Variants in BAIAP2 observed in about 807,000 individuals in gnomAD.
BAIAP2 encodes the protein BAR/IMD domain containing adaptor protein 2.
In BAIAP2, 18 loss-of-function variants were observed where a neutral mutation model predicts 63.0. The ratio of observed to expected loss-of-function variants is 0.29; its 90% CI spans 0.20 to 0.42. BAIAP2 has a LOEUF of 0.42. Among genes scored for constraint, BAIAP2 ranks in the 10% least tolerant of loss-of-function variants. The pLI, the probability that BAIAP2 is intolerant of heterozygous loss-of-function variation, is 1.00. For synonymous variants in BAIAP2, 386 were observed against 307.6 expected, an observed-to-expected ratio of 1.25 and a Z score of -2.67; for missense variants, 610 against 734.3, an observed-to-expected ratio of 0.83 and a Z score of 1.96.
chr17:81,114,139 T>TG (rs1451771926), intron 13 of BAIAP2, among the ~76,000 whole-genome samples: 22 of 141,692 alleles, frequency 1.6e-4, no homozygotes, highest in African/African-American at 5.9e-4. Context: ...CTGCCTAATT[T>TG]TTTTTTTTTT....
Position 81,106,853 on chromosome 17 carries a change from G to A in BAIAP2, c.1446G>A (p.Thr482=), listed in dbSNP as rs372574358. The part of the protein sequence containing the change: ...GAASRAFPAQ[T]ASGFKQRPYS... ...CCTCCCGGGCCTTCCCCGCCCAGACGGCCAGCGGCTTCAAGCAGAGGCCCT... is the reference window on the plus strand; with the variant it reads ...CCTCCCGGGCCTTCCCCGCCCAGACAGCCAGCGGCTTCAAGCAGAGGCCCT... Residue 482 remains threonine (T), a synonymous_variant, in exon 12 of 14, where the codon ACG becomes ACA. Coordinates refer to ENST00000428708, the MANE Select transcript of BAIAP2 (RefSeq NM_001144888.2). 46 of 1,608,064 alleles carry A rather than the reference G, an allele frequency of 2.9e-5. No individual in the cohort carries two copies. Among genetic ancestry groups the A allele is most frequent in the Admixed American group, 5.0e-5 (3 of 59,600 alleles).
At chr17:81,058,491 C>G (rs2050003268) in intron 3 of BAIAP2, among the ~76,000 whole-genome samples, 1 of 152,228 alleles carries the variant, frequency 6.6e-6, no homozygotes, top group Non-Finnish European at 1.5e-5. Flanking sequence ...CCTGGAAATT[C>G]AGGGCCCACG....
At chr17:81,084,413 G>T (rs1598700446) in intron 3 of BAIAP2, among the ~76,000 whole-genome samples, 1 of 152,330 alleles carries the variant, frequency 6.6e-6, no homozygotes, top group South Asian at 2.1e-4. Flanking sequence ...GCGCTGTGGT[G>T]TGGGGTCAGC....
intron 3 of BAIAP2, among the ~76,000 whole-genome samples, chr17:81,081,711 G>C (rs1341701064): frequency 2.6e-5 from 4 of 152,154 alleles, no homozygotes; most frequent in Non-Finnish European, 5.9e-5. Flanking sequence ...GTAAACCTTA[G>C]ACTTGCCCCC....
chr17:81,110,792 C>T (rs543422819), intron 13 of BAIAP2: 3 of 1,360,222 alleles, frequency 2.2e-6, no homozygotes, highest in Admixed American at 3.4e-5. Context: ...CAGCTGTGTG[C>T]CGACTCCGAG....
At chr17:81,045,990 TG>T (rs977210322) in intron 1 of BAIAP2, among the ~76,000 whole-genome samples, 2 of 152,046 alleles carry the variant, frequency 1.3e-5, no homozygotes, top group African/African-American at 2.4e-5. Context: ...TCTCATGGCC[TG>T]GGGGGGCTCA....
intron 13 of BAIAP2, among the ~76,000 whole-genome samples, chr17:81,112,431 G>C (rs554872050): frequency 6.6e-6 from 1 of 152,368 alleles, no homozygotes; most frequent in South Asian, 2.1e-4. Context: ...GCCACTTGCA[G>C]TTGGCCAAGA....
intron 3 of BAIAP2, among the ~76,000 whole-genome samples, chr17:81,066,148 T>C (rs115902767): frequency 4.7e-4 from 72 of 152,352 alleles, no homozygotes; most frequent in African/African-American, 1.4e-3. Context: ...TCTGGTGTGT[T>C]TTTGTCCTTT....
intron 3 of BAIAP2, among the ~76,000 whole-genome samples, chr17:81,061,245 G>T (rs886780291): frequency 6.6e-6 from 1 of 152,186 alleles, no homozygotes; most frequent in African/African-American, 2.4e-5. Context: ...ACTCATGTAC[G>T]GTGTTATCTG....
At chr17:81,090,554 T>C (rs1179813151) in intron 6 of BAIAP2, among the ~76,000 whole-genome samples, 1 of 152,214 alleles carries the variant, frequency 6.6e-6, no homozygotes, top group Non-Finnish European at 1.5e-5. Context: ...AGCTAGTAAG[T>C]GCTAAGTGGT....
At chr17:81,099,205 C>G (rs1235924556) in intron 6 of BAIAP2, among the ~76,000 whole-genome samples, 1 of 151,714 alleles carries the variant, frequency 6.6e-6, no homozygotes, top group Non-Finnish European at 1.5e-5. Context: ...TCGGTGACCT[C>G]TTGTCTGATC....
chr17:81,043,021 C>T (rs2047304366), intron 1 of BAIAP2, among the ~76,000 whole-genome samples: 1 of 152,162 alleles, frequency 6.6e-6, no homozygotes, highest in Admixed American at 6.5e-5. Flanking sequence ...GTGTGCGCCA[C>T]CACACTGGCT....
chr17:81,069,016 TCAG>T (rs1568109186), intron 3 of BAIAP2, among the ~76,000 whole-genome samples: 1 of 152,172 alleles, frequency 6.6e-6, no homozygotes, highest in South Asian at 2.1e-4. Context: ...GGACAGGGTC[TCAG>T]CAGCCCCAGG....
At chr17:81,100,299 A>G (rs1240051933) in intron 7 of BAIAP2, among the ~76,000 whole-genome samples, 1 of 152,184 alleles carries the variant, frequency 6.6e-6, no homozygotes, top group Non-Finnish European at 1.5e-5. Context: ...GCCACCTGCA[A>G]CCAGGGAGAG....
chr17:81,102,819 C>T (rs1245516462), intron 7 of BAIAP2, among the ~76,000 whole-genome samples: 5 of 152,200 alleles, frequency 3.3e-5, no homozygotes, highest in South Asian at 2.1e-4. Context: ...CTGGGGGTCC[C>T]GGGAATCCAG....
intron 3 of BAIAP2, among the ~76,000 whole-genome samples, chr17:81,078,362 G>A (rs564952256): frequency 2.5e-4 from 36 of 141,296 alleles, no homozygotes; most frequent in Middle Eastern, 4.3e-3. Flanking sequence ...GTTCCACCTC[G>A]GAGCTGGGTG....
chr17:81,058,223 C>T (rs1395856832), intron 3 of BAIAP2, among the ~76,000 whole-genome samples: 1 of 152,094 alleles, frequency 6.6e-6, no homozygotes, highest in African/African-American at 2.4e-5. Context: ...AAAGTGTTCC[C>T]GGCAAATTGG....
Position 81,110,326 on chromosome 17 carries a change from C to T in BAIAP2, c.1535+1817C>T, listed in dbSNP as rs139414099. 5,036 of 986,370 alleles carry T rather than the reference C, an allele frequency of 5.1e-3. 17 individuals are homozygous for T. Among genetic ancestry groups the T allele is most frequent in the Admixed American group, 8.3e-3 (135 of 16,342 alleles). The allele number at this position is 986,370 out of a possible 1,614,324, so 61.1% of individuals were successfully genotyped here. A position where few individuals can be genotyped will look rare whatever the true frequency, so the allele number is the denominator to read the frequency against. On this transcript the variant is annotated intron_variant, in intron 13 of 13. Transcript: ENST00000428708. ...CCCTTCCGCGCCGGCGTTCCCGCTC[C>T]GCTAAAGATTTCAAATCCAGGGGAT...
chr17:81,110,919 A>C, intron 13 of BAIAP2: 2 of 1,613,706 alleles, frequency 1.2e-6, no homozygotes, highest in Non-Finnish European at 1.7e-6. Context: ...TGCAGCGCCG[A>C]TGTGGAAGTG....
Sources: allele counts gnomAD v4.1 joint callset (sites outside exome capture counted in the v4.1 genomes callset), GRCh38; gene constraint gnomAD v4.1.1; transcripts MANE v1.5; gene names NCBI Gene and HGNC (gene_info 2026-07-23, HGNC 2026-07-21).